HHLA2: variants seen among roughly 807,000 people sequenced by gnomAD.
HHLA2 encodes the protein HHLA2 member of B7 family.
A neutral mutation model predicts 45.9 loss-of-function variants in HHLA2; 48 were observed. The ratio of observed to expected loss-of-function variants is 1.05; its 90% confidence interval spans 0.83 to 1.33. The LOEUF is 1.33. Among genes scored for constraint, HHLA2 ranks in the 40% most tolerant of loss-of-function variants. The pLI is 0.00. For missense variants in HHLA2, 462 were observed against 494.3 expected (o/e 0.93, Z 0.62); for synonymous variants, 161 against 173.9 (o/e 0.93, Z 0.59).
At position 108,358,135 on chromosome 3, in the gene HHLA2, T is replaced by C. The variant is rs929352814; in HGVS notation, c.977T>C (p.Leu326Ser). 21 of 1,611,248 alleles carry C rather than the reference T, an allele frequency of 1.3e-5. No individual in the cohort carries two copies. Among genetic ancestry groups the C allele is most frequent in the Non-Finnish European group, 1.5e-5 (18 of 1,178,294 alleles). Residue 326 changes from leucine (L) to serine (S), a missense_variant, in exon 7 of 11, where the codon TTA (leucine) becomes TCA (serine). Physicochemically the swap from Leu to Ser is moderately radical, Grantham distance 145. Around this residue, in one of 3 missense-constraint regions of HHLA2, gnomAD observed 123 missense variants for 110.5 expected, o/e 1.11. Coordinates refer to ENST00000619531, the Ensembl canonical transcript of HHLA2. Reference sequence around the variant, plus strand: ...AATATTTCTTCGGATGAATATACTTTACTTACCATCCACACAGTGCATGTA... The same window carrying C: ...AATATTTCTTCGGATGAATATACTTCACTTACCATCCACACAGTGCATGTA...
At chr3:108,312,956 G>C (rs2081045472) in intron 2 of HHLA2, among the ~76,000 whole-genome samples, 1 of 152,126 alleles carries the variant, frequency 6.6e-6, no homozygotes, top group Admixed American at 6.6e-5. Flanking sequence ...CACAACAGCT[G>C]AACATTCTTG....
chr3:108,365,293 G>T (rs2082046358), intron 8 of HHLA2, among the ~76,000 whole-genome samples: 1 of 152,174 alleles, frequency 6.6e-6, no homozygotes, highest in Admixed American at 6.5e-5. Context: ...GTTTGTCAAA[G>T]ATCGAATGGT....
At chr3:108,321,476 G>A (rs1172011243) in intron 2 of HHLA2, among the ~76,000 whole-genome samples, 1 of 152,114 alleles carries the variant, frequency 6.6e-6, no homozygotes, top group Non-Finnish European at 1.5e-5. Flanking sequence ...TAGAATTCTG[G>A]ATGTGGTTGC....
chr3:108,372,570 T>C (rs1323577602), intron 8 of HHLA2, among the ~76,000 whole-genome samples: 1 of 151,416 alleles, frequency 6.6e-6, no homozygotes. Context: ...ACAAAATTGA[T>C]AGACCGCTAG....
intron 8 of HHLA2, among the ~76,000 whole-genome samples, chr3:108,364,697 A>G (rs781744538): frequency 3.9e-5 from 6 of 152,132 alleles, no homozygotes; most frequent in Non-Finnish European, 5.9e-5. Context: ...TCTAACTGGT[A>G]TGAGATGGTA....
chr3:108,331,791 C>G (rs1276889096), intron 3 of HHLA2, among the ~76,000 whole-genome samples: 1 of 152,070 alleles, frequency 6.6e-6, no homozygotes, highest in African/African-American at 2.4e-5. Flanking sequence ...TACTCTTTAC[C>G]ATCTCTGAGC....
intron 3 of HHLA2, among the ~76,000 whole-genome samples, chr3:108,346,660 AAT>A (rs2081665501): frequency 6.6e-6 from 1 of 152,228 alleles, no homozygotes; most frequent in Non-Finnish European, 1.5e-5. Context: ...TCTTTTAAAA[AAT>A]ATATTGACAG....
chr3:108,360,110 CCTCT>C (rs2081962421), intron 7 of HHLA2, among the ~76,000 whole-genome samples: 2 of 17,852 alleles, frequency 1.1e-4, no homozygotes, highest in African/African-American at 4.5e-4. Context: ...GTGTAGCCAT[CCTCT>C]ATCCTCTACT....
intron 2 of HHLA2, among the ~76,000 whole-genome samples, chr3:108,322,836 T>C (rs2081226992): frequency 6.6e-6 from 1 of 152,172 alleles, no homozygotes; most frequent in Non-Finnish European, 1.5e-5. Context: ...CTGTAAGAAA[T>C]AGCTTTCCTA....
chr3:108,323,361 G>A (rs571776831), intron 2 of HHLA2, among the ~76,000 whole-genome samples: 51 of 152,096 alleles, frequency 3.4e-4, no homozygotes, highest in African/African-American at 1.1e-3. Flanking sequence ...ATGCATGCCT[G>A]TATCAAAACT....
chr3:108,325,977 C>T (rs569961396), intron 2 of HHLA2: 13 of 359,902 alleles, frequency 3.6e-5, no homozygotes, highest in South Asian at 3.5e-4. Context: ...ACAGTATTAT[C>T]CAGGGAGTCA....
At chr3:108,323,793 A>G (rs1299363409) in intron 2 of HHLA2, among the ~76,000 whole-genome samples, 1 of 152,220 alleles carries the variant, frequency 6.6e-6, no homozygotes, top group African/African-American at 2.4e-5. Flanking sequence ...ATTGTAATGC[A>G]GATGGAAAAC....
rs564557196 is a variant in HHLA2 at position 108,310,281 on chromosome 3, T to G, written c.-191-374T>G. Among the ~76,000 whole-genome samples, 4 of 152,270 alleles carry G rather than the reference T, an allele frequency of 2.6e-5. No individual in the cohort carries two copies. In the South Asian group the frequency reaches 6.2e-4, roughly 24 times the overall value. On this transcript the variant is annotated intron_variant, in intron 1 of 10. Coordinates refer to ENST00000619531, the Ensembl canonical transcript of HHLA2. Reference sequence around the variant, plus strand: ...ATTTATAGGAAAAACAAGTCTTACATGAATAAAAAGCAATTATACATTTTA... The same window carrying G: ...ATTTATAGGAAAAACAAGTCTTACAGGAATAAAAAGCAATTATACATTTTA...
At chr3:108,328,701 C>G (rs1225228309) in intron 3 of HHLA2, among the ~76,000 whole-genome samples, 1 of 151,778 alleles carries the variant, frequency 6.6e-6, no homozygotes, top group African/African-American at 2.4e-5. Flanking sequence ...GCGTTTTTTA[C>G]TTTGTCTTAT....
At chr3:108,351,655 T>C in intron 3 of HHLA2, 133 bp from the exon 3 acceptor site, 1 of 535,302 alleles carries the variant, frequency 1.9e-6, no homozygotes, top group South Asian at 3.0e-5. Context: ...ATTCCTTCCA[T>C]GCCATTGAAC....
At chr3:108,353,655 A>G (rs1280752093) in exon 5 of HHLA2, 3 of 1,613,754 alleles carry the variant, frequency 1.9e-6, no homozygotes, top group South Asian at 1.1e-5. Context: ...TTCTATAATG[A>G]GATTCAAAAT....
At chr3:108,353,850 C>A in intron 5 of HHLA2, 70 bp downstream of exon 4, 1 of 1,178,820 alleles carries the variant, frequency 8.5e-7, no homozygotes, top group Non-Finnish European at 1.2e-6. Flanking sequence ...GCGTCTTTTT[C>A]CTAATATGCC....
chr3:108,341,183 C>G (rs1018479995), intron 3 of HHLA2, among the ~76,000 whole-genome samples: 30 of 151,914 alleles, frequency 2.0e-4, no homozygotes, highest in African/African-American at 7.0e-4. Context: ...GAACTGCTGA[C>G]CTCAGGTAAT....
intron 1 of HHLA2, among the ~76,000 whole-genome samples, chr3:108,297,890 T>TCC (rs2080788703): frequency 6.6e-6 from 1 of 152,226 alleles, no homozygotes. Context: ...CCGGTGTAGG[T>TCC]CACGTAGTAC....
Sources: gnomAD v4.1 joint callset for allele counts (sites outside exome capture counted in the v4.1 genomes callset) on GRCh38, gnomAD v4.1.1 for gene constraint, gnomAD v4.1.1 regional missense constraint, MANE v1.5 for transcripts, NCBI Gene and HGNC (gene_info 2026-07-23, HGNC 2026-07-21) for gene names.